Variants in RNF141 observed in about 807,000 individuals in gnomAD.
The protein encoded by RNF141 is ring finger protein 141.
A neutral mutation model predicts 27.4 loss-of-function variants in RNF141; 18 were observed. That is an observed-to-expected ratio of 0.66 (90% CI 0.45 to 0.97). The LOEUF is 0.97. RNF141 is among the 50% of genes least tolerant of loss of function. The pLI, the probability that RNF141 is intolerant of heterozygous loss-of-function variation, is 0.00. For missense variants in RNF141, 230 were observed against 279.4 expected (o/e 0.82, Z 1.26); for synonymous variants, 97 against 96.6 (o/e 1.00, Z -0.02).
chr11:10,519,178 T>TC (rs761462415), intron 4 of RNF141, 37 bp from the exon 5 acceptor site: 15 of 1,545,558 alleles, frequency 9.7e-6, no homozygotes, highest in Non-Finnish European at 1.2e-5. Flanking sequence ...AATTATATTC[T>TC]CTGTCATTAT....
chr11:10,519,371 T>C (rs1164181232), intron 4 of RNF141, among the ~76,000 whole-genome samples: 1 of 151,988 alleles, frequency 6.6e-6, no homozygotes, highest in Non-Finnish European at 1.5e-5. Flanking sequence ...AGATAAAAGA[T>C]ACATTTTGTG....
At chr11:10,519,006 C>T (rs530999078) in intron 5 of RNF141, 28 bp downstream of exon 5, 2 of 1,575,118 alleles carry the variant, frequency 1.3e-6, no homozygotes, top group Non-Finnish European at 1.7e-6. Context: ...GACCTTGGCC[C>T]AGCCCATGAA....
At chr11:10,524,014 T>A (rs1849910157) in intron 4 of RNF141, among the ~76,000 whole-genome samples, 4 of 152,156 alleles carry the variant, frequency 2.6e-5, no homozygotes, top group African/African-American at 4.8e-5. Flanking sequence ...TTAAAGATAA[T>A]TGGGAAATAA....
At chr11:10,539,737 G>A (rs1287702054) in intron 1 of RNF141, among the ~76,000 whole-genome samples, 2 of 57,180 alleles carry the variant, frequency 3.5e-5, no homozygotes, top group Non-Finnish European at 7.6e-5. Flanking sequence ...AAAGGATAGA[G>A]TGCCGTACTA....
chr11:10,534,964 T>G (rs957484468), intron 1 of RNF141, among the ~76,000 whole-genome samples: 1 of 152,078 alleles, frequency 6.6e-6, no homozygotes, highest in Admixed American at 6.5e-5. Flanking sequence ...ATTTTCTGCC[T>G]GGAAAAAGAT....
intron 2 of RNF141, among the ~76,000 whole-genome samples, chr11:10,532,191 G>C (rs187138594): frequency 2.1e-4 from 32 of 152,120 alleles, no homozygotes; most frequent in African/African-American, 7.2e-4. Context: ...AAATGTCATT[G>C]ATTACTGCTC....
At chr11:10,537,612 A>C (rs1257469879) in intron 1 of RNF141, among the ~76,000 whole-genome samples, 1 of 152,210 alleles carries the variant, frequency 6.6e-6, no homozygotes, top group East Asian at 1.9e-4. Context: ...AAAAACACAC[A>C]AATTTTATTT....
chr11:10,534,710 T>G (rs764978519), intron 1 of RNF141, among the ~76,000 whole-genome samples: 1 of 152,158 alleles, frequency 6.6e-6, no homozygotes, highest in Non-Finnish European at 1.5e-5. Context: ...GTGATTTATC[T>G]AAAGTTACAC....
intron 1 of RNF141, among the ~76,000 whole-genome samples, chr11:10,536,373 C>T (rs1246172011): frequency 6.6e-6 from 1 of 152,112 alleles, no homozygotes; most frequent in Non-Finnish European, 1.5e-5. Context: ...GGGAAACTGG[C>T]ACCAAGAGTT....
intron 5 of RNF141, among the ~76,000 whole-genome samples, chr11:10,517,931 AC>A (rs1248448618): frequency 6.6e-6 from 1 of 152,194 alleles, no homozygotes; most frequent in East Asian, 1.9e-4. Flanking sequence ...AATTTTAAAT[AC>A]CATTTAAAAT....
chr11:10,524,216 C>T (rs1442397131), intron 4 of RNF141, among the ~76,000 whole-genome samples: 6 of 152,094 alleles, frequency 3.9e-5, no homozygotes, highest in Non-Finnish European at 8.8e-5. Context: ...GAAATGGAGA[C>T]CGTCCTGGCT....
chr11:10,516,300 T>C lies in RNF141; in HGVS notation c.543-1234A>G, dbSNP rs369036739. 28 of 152,294 alleles carry C rather than the reference T, an allele frequency of 1.8e-4. No individual in the cohort carries two copies. The East Asian group carries it at 2.3e-3, about 13-fold the overall frequency. 9.4% of individuals were successfully genotyped at this position (152,294 alleles called of 1,614,324 possible). On this transcript the variant is annotated intron_variant, in intron 5 of 5. Transcript: ENST00000265981. ...TTCCCACCTAAAATTACTAAAACAA[T>C]GGTTTCATACAATCTTTCAAATAAA...
intron 1 of RNF141, among the ~76,000 whole-genome samples, chr11:10,538,086 G>T (rs947010629): frequency 3.3e-5 from 5 of 152,326 alleles, no homozygotes; most frequent in South Asian, 2.1e-4. Flanking sequence ...TATTTATTGA[G>T]TTATTAATAG....
rs1186725409 is a variant in RNF141, at chr11:10,511,950, T to C, written c.*2966A>G. ...AGCTAAAATCACTTGCGAAAGATTA[T>C]TTATTGCACAATTTATCAGTGGGTA... On this transcript the variant is annotated 3_prime_UTR_variant, in exon 6 of 6. Coordinates refer to ENST00000265981, the MANE Select transcript of RNF141 (RefSeq NM_016422.4). 1 of 149,906 alleles carries C rather than the reference T, an allele frequency of 6.7e-6. No individual in the cohort carries two copies. The highest frequency in any genetic ancestry group is 1.5e-5 in the Non-Finnish European group (1 of 66,324). 9.3% of individuals were successfully genotyped at this position (149,906 alleles called of 1,614,324 possible). A position where few individuals can be genotyped will look rare whatever the true frequency, so the allele number is the denominator to read the frequency against.
At chr11:10,525,079 G>T in intron 4 of RNF141, 113 bp downstream of exon 4, 1 of 608,886 alleles carries the variant, frequency 1.6e-6, no homozygotes, top group Non-Finnish European at 2.3e-6. Context: ...AATACCAACT[G>T]AGAAAAAAAA....
At chr11:10,518,583 T>C (rs1172911058) in intron 5 of RNF141, 1 of 154,224 alleles carries the variant, frequency 6.5e-6, no homozygotes, top group Non-Finnish European at 1.4e-5. Flanking sequence ...ATTAAATACA[T>C]GTAGTTTATT....
At chr11:10,534,477 TACACACAC>T (rs3074399) in intron 1 of RNF141, among the ~76,000 whole-genome samples, 3 of 149,878 alleles carry the variant, frequency 2.0e-5, no homozygotes, top group South Asian at 2.1e-4. Flanking sequence ...TGTGCATGTG[TACACACAC>T]ACACACACAC....
intron 5 of RNF141, 28 bp from the exon 6 acceptor site, chr11:10,515,094 T>C: frequency 6.3e-7 from 1 of 1,580,884 alleles, no homozygotes; most frequent in Non-Finnish European, 8.6e-7. Flanking sequence ...ACAAAACAGT[T>C]TGCTTTCTTC....
At chr11:10,538,448 G>A (rs1850056733) in intron 1 of RNF141, among the ~76,000 whole-genome samples, 1 of 152,164 alleles carries the variant, frequency 6.6e-6, no homozygotes. Flanking sequence ...GCATGTTCAC[G>A]AAAACAATCT....
Sources: allele counts gnomAD v4.1 joint callset (sites outside exome capture counted in the v4.1 genomes callset), GRCh38; gene constraint gnomAD v4.1.1; transcripts MANE v1.5; gene names NCBI Gene and HGNC (gene_info 2026-07-23, HGNC 2026-07-21).